The following AKAP19 variants were observed in gnomAD, a reference collection of about 807,000 sequenced individuals.
The protein encoded by AKAP19 is A-kinase anchoring protein 19.
At chr2:190,196,536 T>C in the AKAP19 span, among the ~76,000 whole-genome samples, 502 of 151,434 alleles carry the variant, frequency 3.3e-3, no homozygotes, top group African/African-American at 7.2e-3. Context: ...TTTTTTTTTT[T>C]CCCTTGATTA....
the AKAP19 span, among the ~76,000 whole-genome samples, chr2:190,022,895 T>G: frequency 6.6e-6 from 1 of 152,174 alleles, no homozygotes; most frequent in Non-Finnish European, 1.5e-5. Context: ...AGTAGAAGGA[T>G]AGGTGAGATG....
At chr2:189,918,437 A>AACACCC in the AKAP19 span, among the ~76,000 whole-genome samples, 8 of 152,204 alleles carry the variant, frequency 5.3e-5, no homozygotes, top group East Asian at 9.7e-4. Context: ...ATCCAGTAAA[A>AACACCC]ACACCCTAGA....
chr2:189,890,173 G>A, the AKAP19 span, among the ~76,000 whole-genome samples: 1 of 152,072 alleles, frequency 6.6e-6, no homozygotes, highest in East Asian at 1.9e-4. Flanking sequence ...CCTTAATTTT[G>A]TTATTTACCC....
At chr2:189,952,958 TAAAC>T in the AKAP19 span, among the ~76,000 whole-genome samples, 1 of 152,168 alleles carries the variant, frequency 6.6e-6, no homozygotes, top group African/African-American at 2.4e-5. Flanking sequence ...GAACTAGAGT[TAAAC>T]AAAACAGAAC....
the AKAP19 span, among the ~76,000 whole-genome samples, chr2:189,969,003 A>G: frequency 6.6e-6 from 1 of 152,228 alleles, no homozygotes; most frequent in African/African-American, 2.4e-5. Flanking sequence ...GTCAAATAGT[A>G]TGAATATACT....
At chr2:189,927,686 G>A in the AKAP19 span, among the ~76,000 whole-genome samples, 2 of 152,100 alleles carry the variant, frequency 1.3e-5, no homozygotes, top group African/African-American at 4.8e-5. Context: ...CTAAAAATAA[G>A]GATATTCTCT....
chr2:190,194,758 A>G, the AKAP19 span, among the ~76,000 whole-genome samples: 1 of 152,108 alleles, frequency 6.6e-6, no homozygotes, highest in African/African-American at 2.4e-5. Context: ...TGCCATTTCT[A>G]GAATGTCATA....
chr2:189,934,332 T>C, the AKAP19 span, among the ~76,000 whole-genome samples: 1 of 152,074 alleles, frequency 6.6e-6, no homozygotes, highest in Non-Finnish European at 1.5e-5. Flanking sequence ...CCTAGCCTCA[T>C]ATTCTGGAAA....
the AKAP19 span, among the ~76,000 whole-genome samples, chr2:190,032,622 T>C: frequency 1.3e-5 from 2 of 152,316 alleles, no homozygotes; most frequent in Non-Finnish European, 1.5e-5. Flanking sequence ...GAAAAGTGTG[T>C]TCGGTCCTGT....
At chr2:189,929,702 G>T in the AKAP19 span, among the ~76,000 whole-genome samples, 4 of 151,902 alleles carry the variant, frequency 2.6e-5, no homozygotes, top group African/African-American at 9.7e-5. Flanking sequence ...CATAGAACTA[G>T]CCCAATGATA....
At chr2:190,070,166 A>G in the AKAP19 span, among the ~76,000 whole-genome samples, 11 of 152,272 alleles carry the variant, frequency 7.2e-5, no homozygotes, top group African/African-American at 2.4e-4. Flanking sequence ...CAACTGAAAG[A>G]TTCAATGAGC....
the AKAP19 span, among the ~76,000 whole-genome samples, chr2:190,070,085 C>T: frequency 6.6e-6 from 1 of 152,056 alleles, no homozygotes; most frequent in Non-Finnish European, 1.5e-5. Context: ...ATTAGGTCAG[C>T]GCTCAATTTC....
At chr2:189,990,144 C>T in the AKAP19 span, among the ~76,000 whole-genome samples, 1 of 152,142 alleles carries the variant, frequency 6.6e-6, no homozygotes, top group East Asian at 1.9e-4. Flanking sequence ...GTTGCACTAG[C>T]TTTTAGAACC....
the AKAP19 span, among the ~76,000 whole-genome samples, chr2:190,157,732 G>T: frequency 6.6e-5 from 10 of 151,854 alleles, no homozygotes; most frequent in African/African-American, 2.4e-4. Flanking sequence ...TTATAAATTC[G>T]CCTCAAGACT....
At chr2:190,181,002 G>A in the AKAP19 span, 2 of 985,544 alleles carry the variant, frequency 2.0e-6, no homozygotes, top group Non-Finnish European at 2.4e-6. Context: ...CGACAGGGCT[G>A]CTCCGGGAGC....
chr2:189,910,766 G>C, the AKAP19 span, among the ~76,000 whole-genome samples: 1 of 152,032 alleles, frequency 6.6e-6, no homozygotes, highest in East Asian at 1.9e-4. Context: ...CAGCTCTTAG[G>C]ATATAAAACA....
At chr2:190,060,977 G>A in the AKAP19 span, among the ~76,000 whole-genome samples, 1 of 151,982 alleles carries the variant, frequency 6.6e-6, no homozygotes, top group Non-Finnish European at 1.5e-5. Context: ...TTTTAAAGGA[G>A]CAAAACTAAG....
chr2:190,140,554 G>T, the AKAP19 span, among the ~76,000 whole-genome samples: 1 of 152,186 alleles, frequency 6.6e-6, no homozygotes, highest in Non-Finnish European at 1.5e-5. Context: ...AGCTGCCAAG[G>T]CTTGGAGCTT....
chr2:190,120,884 G>T, the AKAP19 span, among the ~76,000 whole-genome samples: 2 of 152,050 alleles, frequency 1.3e-5, no homozygotes, highest in Non-Finnish European at 2.9e-5. Context: ...CAGGATTGTT[G>T]GGCAGATTAA....
Sources: gnomAD v4.1 joint callset for allele counts (sites outside exome capture counted in the v4.1 genomes callset) on GRCh38, gnomAD v4.1.1 for gene constraint, MANE v1.5 for transcripts, NCBI Gene and HGNC (gene_info 2026-07-23, HGNC 2026-07-21) for gene names.